The following ZHX1 variants were observed in gnomAD, a reference collection of about 807,000 sequenced individuals.
The protein encoded by ZHX1 is zinc fingers and homeoboxes 1, also known as zinc fingers and homeoboxes protein 1.
In ZHX1, 20 loss-of-function variants were observed where a neutral mutation model predicts 61.8. The observed-to-expected ratio is 0.32, with a 90% CI of 0.23 to 0.47. The LOEUF is 0.47. ZHX1 is among the 20% of genes least tolerant of loss of function. The pLI is 1.00. For missense variants in ZHX1, 800 were observed against 1,034.8 expected (o/e 0.77, Z 3.11); for synonymous variants, 318 against 352.6 (o/e 0.90, Z 1.10).
At position 123,253,843 on chromosome 8, in the gene ZHX1, T is replaced by G. The variant is rs756635705; in HGVS notation, c.2104A>C (p.Thr702Pro). The change falls in exon 3 of 4, where the codon ACA (threonine) becomes CCA (proline). Residue 702 changes from threonine to proline, a missense_variant. Thr to Pro is a conservative substitution (Grantham distance 38). Transcript: ENST00000395571. ...KLAKESGLARTDIVSWFGDTR... is the reference protein window; with the variant it reads ...KLAKESGLARPDIVSWFGDTR... Reference sequence around the variant, plus strand: ...TCCCCAAACCAACTAACTATGTCTGTTCTAGCAAGCCCGCTTTCTTTGGCC... The same window carrying G: ...TCCCCAAACCAACTAACTATGTCTGGTCTAGCAAGCCCGCTTTCTTTGGCC... 8 of 1,614,220 alleles carry G rather than the reference T, an allele frequency of 5.0e-6. No homozygotes were observed. The South Asian group carries it at 8.8e-5, about 18-fold the overall frequency.
intron 2 of ZHX1, among the ~76,000 whole-genome samples, chr8:123,261,135 CA>C (rs1477349791): frequency 1.3e-5 from 2 of 152,104 alleles, no homozygotes; most frequent in Non-Finnish European, 2.9e-5. Flanking sequence ...TGAGAAGTCC[CA>C]AAAGAGTTTC....
chr8:123,258,093 G>C (rs1826130573), intron 2 of ZHX1, among the ~76,000 whole-genome samples: 1 of 152,124 alleles, frequency 6.6e-6, no homozygotes, highest in South Asian at 2.1e-4. Context: ...CCCCAATCTT[G>C]GAGGCAGAGC....
Position 123,267,293 on chromosome 8 carries a change from T to C in ZHX1, c.-246A>G. On this transcript the variant is annotated 5_prime_UTR_variant, in exon 2 of 4. It removes an upstream start codon present in the reference 5' UTR. Coordinates refer to ENST00000395571, the MANE Select transcript of ZHX1 (RefSeq NM_007222.5). The stretch of plus-strand genomic sequence containing the variant: ...CATACTTGCCACAGCTTCCTTAGCA[T>C]TCTGTTCTTTGAAATGGAAGGGTAT... 1.3e-6 allele frequency: 2 copies of C among 1,531,214 alleles called. No homozygotes were observed. The highest frequency in any genetic ancestry group is 8.7e-7 in the Non-Finnish European group (1 of 1,143,654). The allele number at this position is 1,531,214 out of a possible 1,614,324, so 94.9% of individuals were successfully genotyped here.
At position 123,253,747 on chromosome 8, in the gene ZHX1, T is replaced by C; in HGVS notation, c.2200A>G (p.Met734Val). 1 of 1,614,236 alleles carries C rather than the reference T, an allele frequency of 6.2e-7. No homozygotes were observed. Among genetic ancestry groups the C allele is most frequent in the Non-Finnish European group, 8.5e-7 (1 of 1,180,032 alleles). Residue 734 changes from methionine (M) to valine (V), a missense_variant, in exon 3 of 4, where the codon ATG becomes GTG. Met to Val is a conservative substitution (Grantham distance 21, BLOSUM62 1). Coordinates refer to ENST00000395571, the MANE Select transcript of ZHX1 (RefSeq NM_007222.5). ...TTCCTAAGGGAAGACAGACCATTCA[T>C]ACTACTTGAATTGGCGCTCTGATAG... ...YYYQSANSSS[M>V]NGLSSLRKRG...
Position 123,254,185 on chromosome 8 carries a change from G to A in ZHX1, c.1762C>T (p.Leu588Phe). 1 of 1,614,102 alleles carries A rather than the reference G, an allele frequency of 6.2e-7. No homozygotes were observed. Among genetic ancestry groups the A allele is most frequent in the Non-Finnish European group, 8.5e-7 (1 of 1,180,010 alleles). Residue 588 changes from leucine to phenylalanine, a missense_variant, in exon 3 of 4, where the codon CTC becomes TTC. Physicochemically the swap from Leu to Phe is conservative, Grantham distance 22 (BLOSUM62 0). Transcript: ENST00000395571. The surrounding 1 kb of genome is among the most constrained non-coding windows in gnomAD (Gnocchi z 4.1). ...TCATCTGTAAGTACAGAGCTGTTGA[G>A]AAAACTTGCCTGAAGGACACGAAGC... ...EQLRVLQASF[L>F]NSSVLTDEEL... is the part of the protein sequence containing the mutation.
At position 123,249,976 on chromosome 8, in the gene ZHX1, G is replaced by A. The variant is rs1408749047; in HGVS notation, c.*348C>T. 15 of 242,232 alleles carry A rather than the reference G, an allele frequency of 6.2e-5. No individual in the cohort carries two copies. The highest frequency in any genetic ancestry group is 2.5e-5 in the Non-Finnish European group (3 of 119,954). The allele number at this position is 242,232 out of a possible 1,614,324, so 15.0% of individuals were successfully genotyped here. ...TTACTAGACATACAGTATTAAACTG[G>A]ACTGAATATGAGGACAAGCTCTAGT... On this transcript the variant is annotated 3_prime_UTR_variant, in exon 4 of 4. Coordinates refer to ENST00000395571, the MANE Select transcript of ZHX1 (RefSeq NM_007222.5).
chr8:123,260,610 A>G (rs59744319), intron 2 of ZHX1, among the ~76,000 whole-genome samples: 5,444 of 151,784 alleles, frequency 0.036, 320 homozygotes, highest in African/African-American at 0.12. Context: ...AAAAAAAACA[A>G]AAAACAAAAA....
At position 123,268,711 on chromosome 8, in the gene ZHX1, C is replaced by T. The variant is rs564525569; in HGVS notation, c.-339-1325G>A. On this transcript the variant is annotated intron_variant, in intron 1 of 3. Coordinates refer to ENST00000395571, the MANE Select transcript of ZHX1 (RefSeq NM_007222.5). ...TTCACCATGTTGGCCAGGATGGTCT[C>T]TATCTCCTGAGCTCAAGTGATCTGC... Among the ~76,000 whole-genome samples the T allele has an allele frequency of 5.3e-5, 8 of 152,282 alleles. No individual in the cohort carries two copies. In the East Asian group the frequency reaches 1.4e-3, roughly 26 times the overall value.
Position 123,254,803 on chromosome 8 carries a change from G to A in ZHX1, c.1144C>T (p.Pro382Ser). 1 of 1,614,220 alleles carries A rather than the reference G, an allele frequency of 6.2e-7. No individual in the cohort carries two copies. The highest frequency in any genetic ancestry group is 8.5e-7 in the Non-Finnish European group (1 of 1,180,038). Residue 382 changes from proline to serine, a missense_variant, in exon 3 of 4, where the codon CCA becomes TCA. Coordinates refer to ENST00000395571, the MANE Select transcript of ZHX1 (RefSeq NM_007222.5). The surrounding 1 kb of genome is among the most constrained non-coding windows in gnomAD (Gnocchi z 4.1). ...ATTTGGCATGTCTGTAAAATAGATG[G>A]TAAACCATTACTCCCTGTGGAAATG... is the stretch of plus-strand genomic sequence containing the variant. ...THISTGSNGLPSILQTCQIVG... is the reference protein window; with the variant it reads ...THISTGSNGLSSILQTCQIVG...
At chr8:123,268,713 A>G (rs989216362) in intron 1 of ZHX1, among the ~76,000 whole-genome samples, 2 of 152,178 alleles carry the variant, frequency 1.3e-5, no homozygotes, top group African/African-American at 4.8e-5. Context: ...GATGGTCTCT[A>G]TCTCCTGAGC....
Position 123,255,149 on chromosome 8 carries a change from A to G in ZHX1, c.798T>C (p.Ala266=). 3.7e-6 allele frequency: 6 copies of G among 1,614,228 alleles called. No individual in the cohort carries two copies. The highest frequency in any genetic ancestry group is 1.7e-5 in the Admixed American group (1 of 60,026). The part of the protein sequence containing the change: ...VLPGLAQVIT[A]VSAQQNSNLI... ...AATTAGAATTCTGCTGAGCAGATAC[A>G]GCAGTTATCACCTGTGCCAATCCAG... is the stretch of plus-strand genomic sequence containing the variant. The change falls in exon 3 of 4, where the codon GCT becomes GCC. Residue 266 remains alanine (A), a synonymous_variant. Coordinates refer to ENST00000395571, the MANE Select transcript of ZHX1 (RefSeq NM_007222.5).
chr8:123,274,460 C>T (rs577308817), upstream of ZHX1: 3 of 152,238 alleles, frequency 2.0e-5, no homozygotes, highest in African/African-American at 7.2e-5. Context: ...GAGAGCCGGC[C>T]AAGGCGGGGC....
chr8:123,262,330 C>T (rs955098855), intron 2 of ZHX1, among the ~76,000 whole-genome samples: 1 of 151,986 alleles, frequency 6.6e-6, no homozygotes, highest in Non-Finnish European at 1.5e-5. Flanking sequence ...GGAAAAACTA[C>T]CCATTTACTA....
upstream of ZHX1, chr8:123,274,564 G>A (rs1826783739): frequency 6.6e-6 from 1 of 152,234 alleles, no homozygotes; most frequent in Non-Finnish European, 1.5e-5. Context: ...TCCGACCCCG[G>A]CCCCTAGTCC....
rs151034276 is a variant in ZHX1 at position 123,265,463 on chromosome 8, C to T, written c.-226+1810G>A. Among the ~76,000 whole-genome samples, 383 of 151,830 alleles carry T rather than the reference C, an allele frequency of 2.5e-3. 2 individuals are homozygous for T. The highest frequency in any genetic ancestry group is 8.7e-3 in the African/African-American group (360 of 41,368). On this transcript the variant is annotated intron_variant, in intron 2 of 3. Transcript: ENST00000395571. ...AGAAGTTACAAATCCACAAAAATCA[C>T]GGAATGCCTAAACAGTACAAACAAA...
Position 123,253,363 on chromosome 8 carries a change from G to A in ZHX1, c.2584C>T (p.Arg862Ter), listed in dbSNP as rs748294823. ...TDDSDTWEPP[R>*]HVKRKLSKSD... ...TTAGACAGCTTCCGTTTCACATGTC[G>A]TGGAGGTTCCCAAGTGTCACTATCA... is the stretch of plus-strand genomic sequence containing the variant. Residue 862 changes from arginine to a stop codon, truncating the protein, a stop_gained, in exon 3 of 4, where the codon CGA becomes TGA. Transcript: ENST00000395571. LOFTEE classifies it high-confidence loss of function. 4.3e-6 allele frequency: 7 copies of A among 1,612,720 alleles called. No homozygotes were observed. In the African/African-American group the frequency reaches 5.3e-5, roughly 12 times the overall value.
rs1825877437 is a variant in ZHX1, at chr8:123,250,018, CAG to C, written c.*304_*305del. The C allele has an allele frequency of 3.2e-6, 1 of 314,550 alleles. No homozygotes were observed. The highest frequency in any genetic ancestry group is 2.6e-5 in the South Asian group (1 of 38,538). The allele number at this position is 314,550 out of a possible 1,614,324, so 19.5% of individuals were successfully genotyped here. On this transcript the variant is annotated 3_prime_UTR_variant, in exon 4 of 4. Transcript: ENST00000395571. ...AGCTCTAGTGGTCATTAAACCCCCT[CAG>C]AAAGTCTAAGATTCAGAATGTCTCC...
At chr8:123,272,788 G>A (rs1826699800) in intron 1 of ZHX1, among the ~76,000 whole-genome samples, 1 of 151,924 alleles carries the variant, frequency 6.6e-6, no homozygotes, top group Non-Finnish European at 1.5e-5. Flanking sequence ...ACTGTTCCTG[G>A]GGGGAGACTG....
intron 2 of ZHX1, among the ~76,000 whole-genome samples, chr8:123,259,130 C>A (rs899359172): frequency 3.9e-5 from 6 of 152,146 alleles, no homozygotes; most frequent in Non-Finnish European, 8.8e-5. Flanking sequence ...ACTACACATC[C>A]AAGTAGCAGA....
Sources: allele counts gnomAD v4.1 joint callset (sites outside exome capture counted in the v4.1 genomes callset), GRCh38; gene constraint gnomAD v4.1.1; non-coding constraint Gnocchi (gnomAD v3.1); transcripts MANE v1.5; gene names NCBI Gene and HGNC (gene_info 2026-07-23, HGNC 2026-07-21).